The following SARS1 variants were observed in gnomAD, a reference collection of about 807,000 sequenced individuals.
SARS1 encodes the protein seryl-tRNA synthetase 1.
In SARS1, 25 loss-of-function variants were observed where a neutral mutation model predicts 63.7. The observed-to-expected ratio is 0.39, with a 90% CI of 0.29 to 0.55. The LOEUF (loss-of-function observed/expected upper bound fraction) is 0.55. Among genes scored for constraint, SARS1 ranks in the 20% least tolerant of loss-of-function variants. The pLI is 0.62. For missense variants in SARS1, 417 were observed against 649.7 expected (o/e 0.64, Z 3.89); for synonymous variants, 231 against 243.5 (o/e 0.95, Z 0.48).
At chr1:109,234,890 T>G (rs1457228707) in intron 6 of SARS1, among the ~76,000 whole-genome samples, 1 of 152,036 alleles carries the variant, frequency 6.6e-6, no homozygotes, top group Non-Finnish European at 1.5e-5. Context: ...CGCTTGAACC[T>G]GGGAGGTGGA....
At position 109,214,194 on chromosome 1, in the gene SARS1, C is replaced by T; in HGVS notation, c.136+66C>T. 6.4e-7 allele frequency: 1 copy of T among 1,553,580 alleles called. No homozygotes were observed. On this transcript the variant is annotated intron_variant, in intron 1 of 10. Transcript: ENST00000234677. The surrounding 1 kb of genome is among the most constrained non-coding windows in gnomAD (Gnocchi z 4.6). ...CCCAATTTTCTCTCTCAAATCCAGC[C>T]ACCGCTCCTGAGGCCACAGCTTCCA... is the stretch of plus-strand genomic sequence containing the variant.
At chr1:109,213,912 G>A (rs1387768673), upstream of SARS1, 2 of 1,475,574 alleles carry the variant, frequency 1.4e-6, no homozygotes, top group Non-Finnish European at 9.0e-7. Flanking sequence ...GGGTCAGCGC[G>A]CCGGCGCAGT....
intron 2 of SARS1, among the ~76,000 whole-genome samples, chr1:109,226,734 ATATATTTATTTATT>A (rs1408925660): frequency 1.0e-4 from 7 of 69,814 alleles, no homozygotes; most frequent in Non-Finnish European, 2.5e-4. Context: ...ACACATATAT[ATATATTTATTTATT>A]TATTTATTTA....
At chr1:109,221,730 T>G (rs1184870882) in intron 1 of SARS1, among the ~76,000 whole-genome samples, 1 of 152,018 alleles carries the variant, frequency 6.6e-6, no homozygotes, top group East Asian at 1.9e-4. Context: ...CTGAGAGAAA[T>G]TAAAAACAAT....
At chr1:109,216,766 C>T (rs1032929758) in intron 1 of SARS1, 4 of 435,328 alleles carry the variant, frequency 9.2e-6, no homozygotes, top group African/African-American at 2.2e-5. Flanking sequence ...AGACTACAGG[C>T]GCAATGCCAC....
chr1:109,224,114 T>C lies in SARS1; in HGVS notation c.207+66T>C, dbSNP rs572853201. 7.5e-6 allele frequency: 9 copies of C among 1,192,698 alleles called. No individual in the cohort carries two copies. In the African/African-American group the frequency reaches 1.1e-4, roughly 14 times the overall value. 73.9% of individuals were successfully genotyped at this position (1,192,698 alleles called of 1,614,324 possible). Reference sequence around the variant, plus strand: ...GGAGATATTTGATCTTGCTCTTAGCTAATGTTCACAGAAGTTCTAACTCAG... The same window carrying C: ...GGAGATATTTGATCTTGCTCTTAGCCAATGTTCACAGAAGTTCTAACTCAG... On this transcript the variant is annotated intron_variant, in intron 2 of 10. Coordinates refer to ENST00000234677, the MANE Select transcript of SARS1 (RefSeq NM_006513.4).
In SARS1 at chr1:109,228,452, T is replaced by A; in HGVS notation, c.288+20T>A. ...TTAGCTGTAAGTTATAGTTCTTTTC[T>A]AAGTTAGGATCTCTGCTATTTTGTC... On this transcript the variant is annotated intron_variant, in intron 3 of 10. Coordinates refer to ENST00000234677, the MANE Select transcript of SARS1 (RefSeq NM_006513.4). 1 of 1,519,654 alleles carries A rather than the reference T, an allele frequency of 6.6e-7. No homozygotes were observed. Among genetic ancestry groups the A allele is most frequent in the African/African-American group, 1.4e-5 (1 of 73,374 alleles). 94.1% of individuals were successfully genotyped at this position (1,519,654 alleles called of 1,614,324 possible).
chr1:109,231,353 C>T lies in SARS1; in HGVS notation c.592-278C>T, dbSNP rs1234243699. 3 of 298,006 alleles carry T rather than the reference C, an allele frequency of 1.0e-5. No homozygotes were observed. In the South Asian group the frequency reaches 4.8e-4, roughly 48 times the overall value. 18.5% of individuals were successfully genotyped at this position (298,006 alleles called of 1,614,324 possible). A position where few individuals can be genotyped will look rare whatever the true frequency, so the allele number is the denominator to read the frequency against. On this transcript the variant is annotated intron_variant, in intron 5 of 10. Transcript: ENST00000234677. ...ACAAGTAACAAAGAATCAAAATCCA[C>T]TGTCATAAGCTCTGTGGTTTGTGTA... is the stretch of plus-strand genomic sequence containing the variant.
intron 1 of SARS1, 23 bp from the exon 2 acceptor site, chr1:109,223,955 A>AG: frequency 6.4e-7 from 1 of 1,562,364 alleles, no homozygotes; most frequent in African/African-American, 1.4e-5. Context: ...TCTTTGGTAT[A>AG]GTCTTGGATT....
intron 5 of SARS1, chr1:109,231,403 A>G (rs530389822): frequency 3.0e-5 from 11 of 366,670 alleles, no homozygotes; most frequent in Non-Finnish European, 2.9e-5. Context: ...TGAGAACATC[A>G]GGATAATTCT....
rs777650858 is a variant in SARS1, at chr1:109,219,280, T to TATATATATATATATATATATAC, written c.137-4689_137-4688insTATATATATATACATATATATA. On this transcript the variant is annotated intron_variant, in intron 1 of 10. Coordinates refer to ENST00000234677, the MANE Select transcript of SARS1 (RefSeq NM_006513.4). Reference sequence around the variant, plus strand: ...GACTCTCCATATATATATATATATATATATATATAGTGTACATATACAGTA... The same window carrying TATATATATATATATATATATAC: ...GACTCTCCATATATATATATATATATATATATATATATATATATATACATATATATAGTGTACATATACAGTA... Among the ~76,000 whole-genome samples the TATATATATATATATATATATAC allele has an allele frequency of 9.8e-5, 6 of 61,126 alleles. No individual in the cohort carries two copies. The East Asian group carries it at 6.3e-3, about 64-fold the overall frequency. 40.1% of individuals were successfully genotyped at this position (61,126 alleles called of 152,430 possible). A position where few individuals can be genotyped will look rare whatever the true frequency, so the allele number is the denominator to read the frequency against.
chr1:109,236,836 AC>A, intron 9 of SARS1: 7 of 1,603,330 alleles, frequency 4.4e-6, no homozygotes, highest in Non-Finnish European at 5.1e-6. Context: ...TCTACACAGA[AC>A]AAGTTGGAGG....
intron 1 of SARS1, among the ~76,000 whole-genome samples, chr1:109,219,598 C>T (rs1261702314): frequency 2.6e-5 from 4 of 151,488 alleles, no homozygotes; most frequent in African/African-American, 7.3e-5. Flanking sequence ...CTGCAACCTC[C>T]GCCTCCCGGG....
intron 9 of SARS1, chr1:109,236,827 C>G (rs745648414): frequency 1.1e-5 from 17 of 1,602,128 alleles, no homozygotes; most frequent in Non-Finnish European, 3.4e-6. Context: ...CTCCATTTAT[C>G]TACACAGAAC....
At chr1:109,221,517 A>G (rs1654928077) in intron 1 of SARS1, among the ~76,000 whole-genome samples, 1 of 152,146 alleles carries the variant, frequency 6.6e-6, no homozygotes, top group African/African-American at 2.4e-5. Context: ...AATGGAAGAA[A>G]CTGTCATTAT....
Position 109,237,847 on chromosome 1 carries a change from C to T in SARS1, c.1504C>T (p.Leu502=). 1 of 1,614,136 alleles carries T rather than the reference C, an allele frequency of 6.2e-7. No homozygotes were observed. Among genetic ancestry groups the T allele is most frequent in the Non-Finnish European group, 8.5e-7 (1 of 1,179,986 alleles). ...GAAAGCAGCAGCAAGAGACGTCACC[C>T]TAGAAAACAGGCTGCAGAACATGGA... ...KKKAAARDVT[L]ENRLQNMEVT... Residue 502 remains leucine (L), a synonymous_variant, in exon 11 of 11, where the codon CTA becomes TTA. Transcript: ENST00000234677. The surrounding 1 kb of genome is among the most constrained non-coding windows in gnomAD (Gnocchi z 4.1).
At position 109,236,106 on chromosome 1, in the gene SARS1, G is replaced by A; in HGVS notation, c.1099G>A (p.Gly367Ser). 1 of 1,612,158 alleles carries A rather than the reference G, an allele frequency of 6.2e-7. No homozygotes were observed. Among genetic ancestry groups the A allele is most frequent in the Non-Finnish European group, 8.5e-7 (1 of 1,179,170 alleles). Residue 367 changes from glycine to serine, a missense_variant and splice_region_variant, in exon 8 of 11, where the codon GGT (glycine) becomes AGT (serine). By Grantham distance (56) the Gly-to-Ser change is moderately conservative. Around this residue, in one of 3 missense-constraint regions of SARS1, gnomAD observed 359 missense variants for 529.6 expected, o/e 0.68. Coordinates refer to ENST00000234677, the MANE Select transcript of SARS1 (RefSeq NM_006513.4). ...IPYHIVNIVS[G>S]SLNHAASKKL... is the part of the protein sequence containing the mutation. ...TTACCACATTGTGAATATTGTCTCA[G>A]GTATGGGACCCAGCCTCTTCTCAGC...
chr1:109,236,919 C>G, intron 9 of SARS1: 1 of 1,546,682 alleles, frequency 6.5e-7, no homozygotes, highest in Non-Finnish European at 8.7e-7. Flanking sequence ...AGGCCCTACT[C>G]TTTTCCAAGT....
chr1:109,225,316 A>G (rs1655041389), intron 2 of SARS1, among the ~76,000 whole-genome samples: 1 of 152,168 alleles, frequency 6.6e-6, no homozygotes, highest in South Asian at 2.1e-4. Context: ...ATTTTGTTAC[A>G]CTTTCAGCGT....
Sources: gnomAD v4.1 joint callset for allele counts (sites outside exome capture counted in the v4.1 genomes callset) on GRCh38, gnomAD v4.1.1 for gene constraint, gnomAD v4.1.1 regional missense constraint, Gnocchi (gnomAD v3.1) non-coding constraint, MANE v1.5 for transcripts, NCBI Gene and HGNC (gene_info 2026-07-23, HGNC 2026-07-21) for gene names.